The following UNC13C variants were observed in gnomAD, a reference collection of about 807,000 sequenced individuals.
UNC13C encodes the protein unc-13 homolog C.
In UNC13C, 174 loss-of-function variants were observed where a neutral mutation model predicts 245.4. The observed-to-expected ratio is 0.71, with a 90% CI of 0.63 to 0.80. The LOEUF (loss-of-function observed/expected upper bound fraction) is 0.80. Among genes scored for constraint, UNC13C ranks in the 30% least tolerant of loss-of-function variants. UNC13C has a pLI of 0.00. For synonymous variants in UNC13C, 992 were observed against 895.1 expected (o/e 1.11, Z -1.93); for missense variants, 2,829 against 2,602.9 (o/e 1.09, Z -1.89).
At chr15:54,422,495 G>A (rs1410328501) in intron 19 of UNC13C, among the ~76,000 whole-genome samples, 2 of 151,936 alleles carry the variant, frequency 1.3e-5, no homozygotes, top group Middle Eastern at 3.2e-3. Flanking sequence ...TTTTTACTAT[G>A]GCGTATAATG....
intron 8 of UNC13C, among the ~76,000 whole-genome samples, chr15:54,251,575 T>C (rs2036153784): frequency 6.6e-6 from 1 of 152,240 alleles, no homozygotes; most frequent in Non-Finnish European, 1.5e-5. Context: ...GGTCTAGAAA[T>C]GCTAATGCAT....
At chr15:54,351,548 T>C (rs1179978504) in intron 17 of UNC13C, among the ~76,000 whole-genome samples, 2 of 152,136 alleles carry the variant, frequency 1.3e-5, no homozygotes, top group Non-Finnish European at 2.9e-5. Context: ...ATATAATTCC[T>C]TTTAAAGAGA....
chr15:54,627,574 G>A lies in UNC13C; in HGVS notation c.*461G>A, dbSNP rs1213384384. The A allele has an allele frequency of 6.5e-6, 1 of 152,926 alleles. No homozygotes were observed. Among genetic ancestry groups the A allele is most frequent in the Non-Finnish European group, 1.5e-5 (1 of 68,296 alleles). The allele number at this position is 152,926 out of a possible 1,614,324, so 9.5% of individuals were successfully genotyped here. ...CTAGAAATGCAGTCACTTCTAGAAAGCATTTGTAATTTTATAGTCGCAGAT... is the reference window on the plus strand; with the variant it reads ...CTAGAAATGCAGTCACTTCTAGAAAACATTTGTAATTTTATAGTCGCAGAT... On this transcript the variant is annotated 3_prime_UTR_variant, in exon 33 of 33. Transcript: ENST00000260323.
intron 1 of UNC13C, among the ~76,000 whole-genome samples, chr15:53,998,920 A>G (rs1894756587): frequency 6.6e-6 from 1 of 152,042 alleles, no homozygotes; most frequent in South Asian, 2.1e-4. Flanking sequence ...ATTTTCAAAA[A>G]TTAAATCAGC....
At chr15:53,923,597 T>C in the UNC13C span, among the ~76,000 whole-genome samples, 5 of 152,188 alleles carry the variant, frequency 3.3e-5, no homozygotes, top group African/African-American at 1.2e-4. Flanking sequence ...ATATTAGCTG[T>C]CTCTACAGAG....
chr15:53,899,593 T>A, the UNC13C span, among the ~76,000 whole-genome samples: 2 of 151,790 alleles, frequency 1.3e-5, no homozygotes, highest in Admixed American at 6.6e-5. Flanking sequence ...TCTCTCTACT[T>A]TTTTTTTAGA....
At chr15:54,476,458 T>G (rs1478207418) in intron 19 of UNC13C, among the ~76,000 whole-genome samples, 1 of 144,748 alleles carries the variant, frequency 6.9e-6, no homozygotes, top group Non-Finnish European at 1.5e-5. Context: ...CGTTTAAGTC[T>G]TTAATCTATC....
chr15:54,360,544 A>G (rs552879008), intron 17 of UNC13C, among the ~76,000 whole-genome samples: 3 of 152,204 alleles, frequency 2.0e-5, no homozygotes, highest in South Asian at 4.1e-4. Context: ...CTTTATCATT[A>G]TATAATTGCC....
chr15:54,240,017 G>A (rs2035809656), intron 7 of UNC13C, among the ~76,000 whole-genome samples: 1 of 152,212 alleles, frequency 6.6e-6, no homozygotes, highest in African/African-American at 2.4e-5. Context: ...TAACAGGAAA[G>A]CATAGAAATT....
intron 19 of UNC13C, among the ~76,000 whole-genome samples, chr15:54,492,993 A>C (rs969064974): frequency 6.6e-6 from 1 of 152,196 alleles, no homozygotes; most frequent in African/African-American, 2.4e-5. Flanking sequence ...GCCAGCACCA[A>C]GTGTAAGATC....
chr15:54,468,811 T>G (rs976880664), intron 19 of UNC13C, among the ~76,000 whole-genome samples: 2 of 151,862 alleles, frequency 1.3e-5, no homozygotes, highest in African/African-American at 4.8e-5. Context: ...TTAGTATATC[T>G]GTTTTTATGT....
chr15:54,625,742 G>A (rs912032588), intron 32 of UNC13C, among the ~76,000 whole-genome samples: 2 of 152,066 alleles, frequency 1.3e-5, no homozygotes, highest in African/African-American at 4.8e-5. Context: ...TATCAAAAGG[G>A]TCCTAATAGA....
chr15:54,449,187 T>C (rs895966216), intron 19 of UNC13C, among the ~76,000 whole-genome samples: 1 of 152,216 alleles, frequency 6.6e-6, no homozygotes, highest in Non-Finnish European at 1.5e-5. Flanking sequence ...ACCCGACTTT[T>C]CTCTCTGGCT....
At chr15:54,089,012 T>C (rs1046316053) in intron 2 of UNC13C, among the ~76,000 whole-genome samples, 1 of 152,166 alleles carries the variant, frequency 6.6e-6, no homozygotes, top group African/African-American at 2.4e-5. Context: ...GGCAATGTCA[T>C]AGTCCTGTCA....
At chr15:53,951,921 T>G in the UNC13C span, among the ~76,000 whole-genome samples, 1 of 152,152 alleles carries the variant, frequency 6.6e-6, no homozygotes, top group Non-Finnish European at 1.5e-5. Context: ...GTCATGAGGA[T>G]TTTAACTTTT....
intron 30 of UNC13C, among the ~76,000 whole-genome samples, chr15:54,614,894 A>T (rs1190410678): frequency 6.6e-6 from 1 of 152,076 alleles, no homozygotes; most frequent in Non-Finnish European, 1.5e-5. Flanking sequence ...GACTAATTTT[A>T]AAAATCCTGA....
At chr15:53,875,255 T>A in the UNC13C span, among the ~76,000 whole-genome samples, 1 of 152,222 alleles carries the variant, frequency 6.6e-6, no homozygotes, top group Non-Finnish European at 1.5e-5. Context: ...AGAAAAGCAG[T>A]GTTCATGGTA....
At chr15:54,536,422 C>G (rs942616094) in intron 26 of UNC13C, among the ~76,000 whole-genome samples, 1 of 151,978 alleles carries the variant, frequency 6.6e-6, no homozygotes. Context: ...GAGCTAGTAC[C>G]AATCCTATTG....
chr15:53,969,272 A>G, the UNC13C span, among the ~76,000 whole-genome samples: 1 of 152,278 alleles, frequency 6.6e-6, no homozygotes, highest in African/African-American at 2.4e-5. Flanking sequence ...GAAACACCAC[A>G]GGGCAGCCCT....
Sources: gnomAD v4.1 joint callset for allele counts (sites outside exome capture counted in the v4.1 genomes callset) on GRCh38, gnomAD v4.1.1 for gene constraint, MANE v1.5 for transcripts, NCBI Gene and HGNC (gene_info 2026-07-23, HGNC 2026-07-21) for gene names.